TANGO6: variants seen among roughly 807,000 people sequenced by gnomAD.
TANGO6 encodes the protein transport and Golgi organization protein 6 homolog.
Under a neutral mutation model 114.2 loss-of-function variants are expected in TANGO6, and 90 were observed. That is an observed-to-expected ratio of 0.79 (90% CI 0.66 to 0.94). The LOEUF is 0.94. Ranked by LOEUF, TANGO6 falls within the 40% of genes least tolerant of loss-of-function variation. TANGO6 has a pLI of 0.00. For synonymous variants in TANGO6, 477 were observed against 509.8 expected, an observed-to-expected ratio of 0.94 and a Z score of 0.87; for missense variants, 1,274 against 1,315.3, an observed-to-expected ratio of 0.97 and a Z score of 0.49.
intron 5 of TANGO6, 23 bp downstream of exon 5, chr16:68,875,313 A>G: frequency 6.2e-7 from 1 of 1,608,480 alleles, no homozygotes; most frequent in Non-Finnish European, 8.5e-7. Flanking sequence ...GTTTCTATTG[A>G]TCATTTGAGG....
At chr16:68,903,691 G>A (rs1962814066) in intron 9 of TANGO6, among the ~76,000 whole-genome samples, 1 of 151,262 alleles carries the variant, frequency 6.6e-6, no homozygotes, top group Non-Finnish European at 1.5e-5. Flanking sequence ...GGAGGCCGAG[G>A]TGGGTAGATC....
intron 15 of TANGO6, among the ~76,000 whole-genome samples, chr16:69,007,824 C>G (rs1964107303): frequency 6.6e-6 from 1 of 152,082 alleles, no homozygotes; most frequent in African/African-American, 2.4e-5. Context: ...TATTGTCTGC[C>G]CTTTTGATTA....
chr16:69,005,892 A>T (rs906726683), intron 15 of TANGO6, among the ~76,000 whole-genome samples: 1 of 152,142 alleles, frequency 6.6e-6, no homozygotes, highest in East Asian at 1.9e-4. Context: ...AGGACCTCCA[A>T]GAGTCTGAAT....
chr16:69,075,455 A>AT lies in TANGO6; in HGVS notation c.3109-8014dup, dbSNP rs34374864. On this transcript the variant is annotated intron_variant, in intron 17 of 17. Coordinates refer to ENST00000261778, the MANE Select transcript of TANGO6 (RefSeq NM_024562.2). Reference sequence around the variant, plus strand: ...TCTACACAACACGAATTCAACTTTTATTTTTTTTTTTTTTTTGAGACAGGG... The same window carrying AT: ...TCTACACAACACGAATTCAACTTTTATTTTTTTTTTTTTTTTTGAGACAGGG... Among the ~76,000 whole-genome samples the AT allele has an allele frequency of 3.6e-3, 506 of 138,904 alleles. 2 individuals are homozygous for AT. The highest frequency in any genetic ancestry group is 7.6e-3 in the Middle Eastern group (2 of 262). The allele number at this position is 138,904 out of a possible 152,430, so 91.1% of individuals were successfully genotyped here.
chr16:68,875,646 G>A (rs976854208), intron 5 of TANGO6, among the ~76,000 whole-genome samples: 5 of 152,086 alleles, frequency 3.3e-5, no homozygotes, highest in African/African-American at 1.2e-4. Context: ...GCGCATGCCT[G>A]TAATCCCAGC....
intron 7 of TANGO6, chr16:68,900,172 C>T (rs1444870971): frequency 1.6e-5 from 6 of 375,196 alleles, no homozygotes; most frequent in East Asian, 8.0e-5. Context: ...GGTCAGAAAG[C>T]GGGGTAGTTG....
chr16:68,966,963 G>C (rs945041397), intron 14 of TANGO6, among the ~76,000 whole-genome samples: 1 of 152,030 alleles, frequency 6.6e-6, no homozygotes, highest in Non-Finnish European at 1.5e-5. Context: ...GTAGAGACGG[G>C]GTTTTGCCAC....
chr16:68,902,295 G>T (rs1245102029), intron 8 of TANGO6, 33 bp from the exon 9 acceptor site: 1 of 1,585,828 alleles, frequency 6.3e-7, no homozygotes, highest in African/African-American at 1.3e-5. Flanking sequence ...GGAGTAAGAT[G>T]ACAAGCTCAT....
At chr16:69,021,947 G>T in intron 15 of TANGO6, among the ~76,000 whole-genome samples, 1 of 148,200 alleles carries the variant, frequency 6.7e-6, no homozygotes, top group Middle Eastern at 3.5e-3. Context: ...GTGCAGTGGC[G>T]CAATCTCGGC....
chr16:68,896,006 C>T (rs1962698937), intron 7 of TANGO6, among the ~76,000 whole-genome samples: 1 of 151,342 alleles, frequency 6.6e-6, no homozygotes, highest in Non-Finnish European at 1.5e-5. Flanking sequence ...TGGAGTGTCT[C>T]ACTCTGTCAC....
intron 7 of TANGO6, among the ~76,000 whole-genome samples, chr16:68,896,142 A>G: frequency 6.6e-6 from 1 of 151,576 alleles, no homozygotes; most frequent in African/African-American, 2.4e-5. Context: ...GAGTAGCTGG[A>G]ATTACAGGCC....
At chr16:68,891,484 G>GAAAT (rs1022274954) in intron 7 of TANGO6, among the ~76,000 whole-genome samples, 1 of 151,602 alleles carries the variant, frequency 6.6e-6, no homozygotes, top group Non-Finnish European at 1.5e-5. Context: ...AAGAAAGAAA[G>GAAAT]AAATGGAGCA....
At chr16:69,033,496 C>T (rs1269655974) in intron 16 of TANGO6, among the ~76,000 whole-genome samples, 1 of 152,184 alleles carries the variant, frequency 6.6e-6, no homozygotes, top group Non-Finnish European at 1.5e-5. Flanking sequence ...ATAGAGCCAG[C>T]ACCAAGCTCT....
intron 17 of TANGO6, among the ~76,000 whole-genome samples, chr16:69,057,941 T>C (rs1960058616): frequency 6.6e-6 from 1 of 152,044 alleles, no homozygotes; most frequent in South Asian, 2.1e-4. Context: ...CTTCCCACAA[T>C]GTACACAGAA....
At chr16:68,863,315 A>G (rs1366560843) in intron 3 of TANGO6, among the ~76,000 whole-genome samples, 2 of 152,168 alleles carry the variant, frequency 1.3e-5, no homozygotes, top group African/African-American at 2.4e-5. Context: ...TTTAAGACTT[A>G]TGGCAATTTT....
intron 14 of TANGO6, among the ~76,000 whole-genome samples, chr16:68,964,789 T>C (rs1048682417): frequency 1.3e-5 from 2 of 152,066 alleles, no homozygotes; most frequent in East Asian, 3.9e-4. Context: ...CAGTCTCGAA[T>C]TCCTGGCCTC....
chr16:69,067,536 A>AAAAAAAAAAAAAAAAC (rs1860912479), intron 17 of TANGO6, among the ~76,000 whole-genome samples: 2 of 140,750 alleles, frequency 1.4e-5, no homozygotes, highest in Admixed American at 7.3e-5. Context: ...AAAAAAAAAA[A>AAAAAAAAAAAAAAAAC]ACGCTGGGCG....
chr16:68,930,380 G>C, intron 14 of TANGO6, 85 bp downstream of exon 14: 1 of 1,170,782 alleles, frequency 8.5e-7, no homozygotes. Context: ...TAAAGTCCTA[G>C]GGCCAGGAGA....
At position 68,921,592 on chromosome 16, in the gene TANGO6, C is replaced by T. The variant is rs192192754; in HGVS notation, c.2127+2373C>T. 1.8e-4 allele frequency among the ~76,000 whole-genome samples: 25 copies of T among 137,698 alleles called. No individual in the cohort carries two copies. The East Asian group carries it at 4.7e-3, about 26-fold the overall frequency. The allele number at this position is 137,698 out of a possible 152,430, so 90.3% of individuals were successfully genotyped here. ...TATTGATTTGAATAGTCTTTTTCCA[C>T]AAGGTGAGAGTGTGCTTTTTTTTTT... On this transcript the variant is annotated intron_variant, in intron 12 of 17. Transcript: ENST00000261778.
Sources: gnomAD v4.1 joint callset for allele counts (sites outside exome capture counted in the v4.1 genomes callset) on GRCh38, gnomAD v4.1.1 for gene constraint, MANE v1.5 for transcripts, NCBI Gene and HGNC (gene_info 2026-07-23, HGNC 2026-07-21) for gene names.